Variants in VPS45 observed in about 807,000 individuals in gnomAD.
VPS45 encodes the protein vacuolar protein sorting-associated protein 45.
A neutral mutation model predicts 75.9 loss-of-function variants in VPS45; 35 were observed. The ratio of observed to expected loss-of-function variants is 0.46; its 90% CI spans 0.35 to 0.61. The LOEUF is 0.61. VPS45 is among the 20% of genes least tolerant of loss of function. The pLI is 0.00. For synonymous variants in VPS45, 220 were observed against 238.2 expected (o/e 0.92, Z 0.70); for missense variants, 559 against 685.9 (o/e 0.81, Z 2.07).
At chr1:150,093,474 T>C in intron 12 of VPS45, 53 bp from the exon 13 acceptor site, 2 of 1,594,888 alleles carry the variant, frequency 1.3e-6, no homozygotes. Context: ...TTATTAATTC[T>C]TGTGTTGCCA....
intron 14 of VPS45, among the ~76,000 whole-genome samples, chr1:150,114,914 A>AAC (rs1485455533): frequency 6.6e-6 from 1 of 151,328 alleles, no homozygotes; most frequent in Non-Finnish European, 1.5e-5. Flanking sequence ...TAAAAAAAAA[A>AAC]AAAAACTTTA....
intron 8 of VPS45, 35 bp from the exon 9 acceptor site, chr1:150,081,848 GT>G (rs782476564): frequency 2.8e-5 from 37 of 1,320,280 alleles, no homozygotes; most frequent in Middle Eastern, 1.8e-4. Context: ...AGTCAGACTA[GT>G]TGATGAAGTG....
At chr1:150,108,780 T>G (rs1657473471) in intron 13 of VPS45, among the ~76,000 whole-genome samples, 1 of 152,118 alleles carries the variant, frequency 6.6e-6, no homozygotes, top group Non-Finnish European at 1.5e-5. Flanking sequence ...CTCCCATGCG[T>G]AGTTCACAGT....
In VPS45 at chr1:150,071,838, C is replaced by T. The variant is rs182696758; in HGVS notation, c.229-328C>T. Among the ~76,000 whole-genome samples the T allele has an allele frequency of 2.0e-3, 300 of 150,096 alleles. 2 individuals are homozygous for T. Among genetic ancestry groups the T allele is most frequent in the African/African-American group, 6.9e-3 (283 of 40,828 alleles). ...CAAATGAATACAATTTATAGACAAG[C>T]AGCTTGATGTGAGTTTGCAGAATTA... On this transcript the variant is annotated intron_variant, in intron 2 of 14. Coordinates refer to ENST00000644510, the MANE Select transcript of VPS45 (RefSeq NM_007259.5).
chr1:150,097,606 C>T (rs1309271381), intron 13 of VPS45, among the ~76,000 whole-genome samples: 1 of 151,734 alleles, frequency 6.6e-6, no homozygotes, highest in East Asian at 2.0e-4. Context: ...GTAGTCCCAG[C>T]TACTCAGGAG....
Position 150,071,615 on chromosome 1 carries a change from C to T in VPS45, c.229-551C>T, listed in dbSNP as rs886067007. 2.6e-5 allele frequency among the ~76,000 whole-genome samples: 4 copies of T among 151,918 alleles called. No individual in the cohort carries two copies. The East Asian group carries it at 5.8e-4, about 22-fold the overall frequency. On this transcript the variant is annotated intron_variant, in intron 2 of 14. Transcript: ENST00000644510. ...CAGCCTGGCCAACATGGTGAAACCC[C>T]GTCTCTGCTACAATTACAAAAAATT...
chr1:150,140,227 C>T (rs1659312779), intron 14 of VPS45, among the ~76,000 whole-genome samples: 1 of 152,184 alleles, frequency 6.6e-6, no homozygotes, highest in African/African-American at 2.4e-5. Flanking sequence ...TAAAATCTCA[C>T]ACCACTACCA....
chr1:150,067,907 A>G lies in VPS45; in HGVS notation c.50A>G (p.Asp17Gly), dbSNP rs1553796175. The G allele has an allele frequency of 6.2e-7, 1 of 1,614,202 alleles. No homozygotes were observed. The highest frequency in any genetic ancestry group is 8.5e-7 in the Non-Finnish European group (1 of 1,180,032). ...CAGTACATTTCCAAAATGATAGAGG[A>G]CAGCGGGCCTGGTATGAAAGTACTT... The part of the protein sequence containing the change: ...VKQYISKMIE[D>G]SGPGMKVLLM... The change falls in exon 1 of 15, where the codon GAC (aspartate) becomes GGC (glycine). Residue 17 changes from aspartate (D) to glycine (G), a missense_variant. By Grantham distance (94) the Asp-to-Gly change is moderately conservative. Transcript: ENST00000644510.
In VPS45 at chr1:150,067,846, C is replaced by T. The variant is rs1654810014; in HGVS notation, c.-12C>T. 6.2e-7 allele frequency: 1 copy of T among 1,613,848 alleles called. No individual in the cohort carries two copies. Among genetic ancestry groups the T allele is most frequent in the South Asian group, 1.1e-5 (1 of 91,050 alleles). On this transcript the variant is annotated 5_prime_UTR_variant, in exon 1 of 15. Coordinates refer to ENST00000644510, the MANE Select transcript of VPS45 (RefSeq NM_007259.5). The stretch of plus-strand genomic sequence containing the variant: ...GCGGGAAGGGCTGTAGGGTACTTGT[C>T]AATTCGCCGCCATGAACGTGGTTTT...
At chr1:150,085,586 TG>T (rs782604341) in intron 10 of VPS45, among the ~76,000 whole-genome samples, 10 of 152,076 alleles carry the variant, frequency 6.6e-5, no homozygotes, top group South Asian at 2.1e-4. Flanking sequence ...AGGGATCTTT[TG>T]TTTGATAGTA....
intron 13 of VPS45, among the ~76,000 whole-genome samples, chr1:150,094,094 C>T (rs1656492855): frequency 6.6e-6 from 1 of 152,144 alleles, no homozygotes; most frequent in Non-Finnish European, 1.5e-5. Context: ...CCATTTGTTA[C>T]ACAGGAGCAA....
intron 14 of VPS45, among the ~76,000 whole-genome samples, chr1:150,137,036 C>T (rs1035610228): frequency 2.0e-5 from 3 of 152,100 alleles, no homozygotes; most frequent in African/African-American, 4.8e-5. Context: ...ATAGCTGGGA[C>T]CACAGGTGCA....
At chr1:150,092,231 T>C (rs1357923072) in intron 11 of VPS45, 71 bp from the exon 12 acceptor site, 2 of 1,539,498 alleles carry the variant, frequency 1.3e-6, no homozygotes, top group East Asian at 2.3e-5. Context: ...GTTTCCTTAA[T>C]AAAATTATTT....
At chr1:150,118,790 G>A (rs1016955120) in intron 14 of VPS45, among the ~76,000 whole-genome samples, 5 of 152,176 alleles carry the variant, frequency 3.3e-5, no homozygotes, top group East Asian at 3.9e-4. Context: ...TATTGTCAGC[G>A]TTGGTATCTC....
chr1:150,089,852 G>A (rs1201983559), intron 10 of VPS45, among the ~76,000 whole-genome samples: 3 of 152,134 alleles, frequency 2.0e-5, no homozygotes, highest in African/African-American at 4.8e-5. Flanking sequence ...AAAATCTTAC[G>A]AATTTGGGAT....
chr1:150,114,813 AG>A (rs1427689807), intron 14 of VPS45, among the ~76,000 whole-genome samples: 2 of 150,540 alleles, frequency 1.3e-5, no homozygotes, highest in Non-Finnish European at 3.0e-5. Flanking sequence ...TGGGAGGCTG[AG>A]GTGGGAAGAT....
In VPS45 at chr1:150,145,078, G is replaced by A; in HGVS notation, c.*282G>A. The A allele has an allele frequency of 2.7e-6, 2 of 744,098 alleles. No homozygotes were observed. Among genetic ancestry groups the A allele is most frequent in the Middle Eastern group, 3.9e-4 (1 of 2,536 alleles). The allele number at this position is 744,098 out of a possible 1,614,324, so 46.1% of individuals were successfully genotyped here. A position where few individuals can be genotyped will look rare whatever the true frequency, so the allele number is the denominator to read the frequency against. On this transcript the variant is annotated 3_prime_UTR_variant, in exon 15 of 15. Coordinates refer to ENST00000644510, the MANE Select transcript of VPS45 (RefSeq NM_007259.5). ...GAATTTTGTTGGGATCTGACTTGGG[G>A]AAAGGGTTATCAGAGCCTAGAGGGG...
At chr1:150,121,945 T>A (rs782202848) in intron 14 of VPS45, among the ~76,000 whole-genome samples, 27 of 152,018 alleles carry the variant, frequency 1.8e-4, no homozygotes, top group Non-Finnish European at 3.8e-4. Context: ...TGAAACTGTG[T>A]AAAGGGAAAT....
intron 14 of VPS45, among the ~76,000 whole-genome samples, chr1:150,143,382 G>C (rs1232566613): frequency 6.6e-6 from 1 of 152,094 alleles, no homozygotes; most frequent in Non-Finnish European, 1.5e-5. Context: ...TTGAGGCCAG[G>C]AATTTGAGAC....
Sources: allele counts gnomAD v4.1 joint callset (sites outside exome capture counted in the v4.1 genomes callset), GRCh38; gene constraint gnomAD v4.1.1; transcripts MANE v1.5; gene names NCBI Gene and HGNC (gene_info 2026-07-23, HGNC 2026-07-21).